CHLSN: variants seen among roughly 807,000 people sequenced by gnomAD.
CHLSN encodes the protein protein cholesin.
chr7:1,020,208 G>A, the CHLSN span, among the ~76,000 whole-genome samples: 1 of 152,222 alleles, frequency 6.6e-6, no homozygotes, highest in African/African-American at 2.4e-5. Context: ...GCCGCGGAGT[G>A]CATTCCCTCA....
the CHLSN span, among the ~76,000 whole-genome samples, chr7:1,009,660 G>A: frequency 6.6e-6 from 1 of 152,184 alleles, no homozygotes; most frequent in African/African-American, 2.4e-5. Context: ...GATTCTTCCT[G>A]TGGTGACGTA....
chr7:1,007,583 G>A, the CHLSN span, among the ~76,000 whole-genome samples: 1 of 152,232 alleles, frequency 6.6e-6, no homozygotes, highest in Non-Finnish European at 1.5e-5. Flanking sequence ...CAGGAAAGAG[G>A]AGAAGCTCCT....
At chr7:1,088,767 C>T in the CHLSN span, among the ~76,000 whole-genome samples, 2 of 152,116 alleles carry the variant, frequency 1.3e-5, no homozygotes, top group East Asian at 3.8e-4. The surrounding 1 kb of genome is among the most constrained non-coding windows in gnomAD (Gnocchi z 4.5). Flanking sequence ...CTATGACAAG[C>T]AGAGGAAATC....
the CHLSN span, among the ~76,000 whole-genome samples, chr7:982,107 C>A: frequency 2.0e-5 from 3 of 152,226 alleles, no homozygotes; most frequent in Admixed American, 6.5e-5. Context: ...GGTAGGACCC[C>A]CAGCCTACCC....
the CHLSN span, among the ~76,000 whole-genome samples, chr7:1,055,718 G>A: frequency 1.3e-5 from 2 of 152,110 alleles, no homozygotes; most frequent in African/African-American, 4.8e-5. Context: ...GTGGCCGGCC[G>A]GGTGTGCCCT....
At chr7:992,296 G>T in the CHLSN span, among the ~76,000 whole-genome samples, 1 of 152,194 alleles carries the variant, frequency 6.6e-6, no homozygotes, top group African/African-American at 2.4e-5. Context: ...CGTGCTGCAC[G>T]TGCCTCCCAT....
the CHLSN span, among the ~76,000 whole-genome samples, chr7:1,128,579 TCTCGG>T: frequency 6.9e-5 from 1 of 14,432 alleles, no homozygotes; most frequent in East Asian, 1.1e-3. Flanking sequence ...AGTGGCGCGA[TCTCGG>T]CTCATCCCAC....
chr7:1,098,106 AG>A, the CHLSN span, among the ~76,000 whole-genome samples: 1 of 152,166 alleles, frequency 6.6e-6, no homozygotes, highest in Non-Finnish European at 1.5e-5. Context: ...CCATTTCCCG[AG>A]ATGGGCAACA....
At chr7:997,780 G>A in the CHLSN span, 3 of 1,607,056 alleles carry the variant, frequency 1.9e-6, no homozygotes, top group Non-Finnish European at 2.5e-6. Context: ...TAGGCCAGCA[G>A]GGTGGAGAAG....
the CHLSN span, among the ~76,000 whole-genome samples, chr7:1,046,646 C>T: frequency 6.2e-4 from 95 of 152,270 alleles, 1 homozygote; most frequent in Non-Finnish European, 1.2e-3. Context: ...TTCTTAGGAG[C>T]GTGCTGTCTA....
At chr7:999,211 G>A in the CHLSN span, among the ~76,000 whole-genome samples, 12 of 152,148 alleles carry the variant, frequency 7.9e-5, no homozygotes, top group African/African-American at 2.2e-4. Context: ...ATAAAACCAC[G>A]TAAACTTTGG....
At chr7:1,012,548 C>T in the CHLSN span, among the ~76,000 whole-genome samples, 480 of 152,380 alleles carry the variant, frequency 3.2e-3, no homozygotes, top group Non-Finnish European at 4.0e-3. Flanking sequence ...TGGCCACCAG[C>T]GCTCCCGACC....
chr7:1,083,627 C>CAA, the CHLSN span, among the ~76,000 whole-genome samples: 1 of 133,798 alleles, frequency 7.5e-6, no homozygotes, highest in African/African-American at 2.8e-5. Flanking sequence ...GACTCCATCT[C>CAA]AAAAAAAAAA....
chr7:1,010,016 C>T, the CHLSN span: 3 of 1,603,372 alleles, frequency 1.9e-6, no homozygotes, highest in Non-Finnish European at 2.5e-6. Context: ...GGCCACAAGG[C>T]CTGCCTCCCG....
the CHLSN span, among the ~76,000 whole-genome samples, chr7:1,047,398 C>G: frequency 6.6e-6 from 1 of 152,234 alleles, no homozygotes; most frequent in Non-Finnish European, 1.5e-5. Flanking sequence ...CTACAAAAAT[C>G]AAAACCATCC....
At chr7:990,451 C>T in the CHLSN span, among the ~76,000 whole-genome samples, 23 of 152,152 alleles carry the variant, frequency 1.5e-4, no homozygotes, top group East Asian at 3.3e-3. Flanking sequence ...TGACCATGCA[C>T]GTGAGCGGCA....
At chr7:1,075,569 C>G in the CHLSN span, among the ~76,000 whole-genome samples, 1 of 150,148 alleles carries the variant, frequency 6.7e-6, no homozygotes, top group South Asian at 2.1e-4. Flanking sequence ...CGTTTTAGGG[C>G]TCTTGAAGCT....
chr7:978,656 C>T, the CHLSN span, among the ~76,000 whole-genome samples: 10 of 152,206 alleles, frequency 6.6e-5, no homozygotes, highest in Admixed American at 5.2e-4. Flanking sequence ...GTTTATAGCT[C>T]GAAGATGAAT....
At chr7:1,094,752 T>C in the CHLSN span, among the ~76,000 whole-genome samples, 3 of 152,152 alleles carry the variant, frequency 2.0e-5, no homozygotes, top group Non-Finnish European at 4.4e-5. Flanking sequence ...TCCTCCCGTC[T>C]GTGGGACATG....
Sources: gnomAD v4.1 joint callset for allele counts (sites outside exome capture counted in the v4.1 genomes callset) on GRCh38, gnomAD v4.1.1 for gene constraint, Gnocchi (gnomAD v3.1) non-coding constraint, MANE v1.5 for transcripts, NCBI Gene and HGNC (gene_info 2026-07-23, HGNC 2026-07-21) for gene names.